GPC5: variants seen among roughly 807,000 people sequenced by gnomAD.
GPC5 encodes the protein glypican-5.
Under a neutral mutation model 53.9 loss-of-function variants are expected in GPC5, and 47 were observed. The ratio of observed to expected loss-of-function variants is 0.87; its 90% CI spans 0.69 to 1.11. GPC5 has a LOEUF of 1.11. Among genes scored for constraint, GPC5 ranks in the 50% most tolerant of loss-of-function variants. The probability of loss-of-function intolerance (pLI) is 0.00; values close to 1 mark genes in which losing one functional copy is unlikely to be tolerated. For missense variants in GPC5, 748 were observed against 713.1 expected (o/e 1.05, Z -0.56); for synonymous variants, 286 against 263.3 (o/e 1.09, Z -0.84).
intron 1 of GPC5, among the ~76,000 whole-genome samples, chr13:91,413,117 C>T (rs1209912496): frequency 6.6e-6 from 1 of 152,032 alleles, no homozygotes; most frequent in South Asian, 2.1e-4. Flanking sequence ...TCCATCTCTA[C>T]AAAAAATTAA....
At chr13:91,904,627 C>A (rs2039534299) in intron 5 of GPC5, among the ~76,000 whole-genome samples, 1 of 151,900 alleles carries the variant, frequency 6.6e-6, no homozygotes, top group South Asian at 2.1e-4. Context: ...AATTATAATA[C>A]AAATATTACA....
chr13:92,127,870 AAC>A (rs1365796090), intron 6 of GPC5, among the ~76,000 whole-genome samples: 1 of 152,230 alleles, frequency 6.6e-6, no homozygotes, highest in African/African-American at 2.4e-5. Flanking sequence ...ACACCCATAG[AAC>A]AGTGTGAAAT....
At chr13:92,106,296 A>G (rs2041509222) in intron 6 of GPC5, among the ~76,000 whole-genome samples, 1 of 152,102 alleles carries the variant, frequency 6.6e-6, no homozygotes, top group Non-Finnish European at 1.5e-5. Context: ...AAGGTAAAGC[A>G]CTTAAACAGG....
intron 7 of GPC5, among the ~76,000 whole-genome samples, chr13:92,609,954 T>C (rs1475013885): frequency 6.8e-6 from 1 of 147,066 alleles, no homozygotes; most frequent in Non-Finnish European, 1.5e-5. Context: ...TAGCTTGAAC[T>C]TGTGAGGTGG....
intron 6 of GPC5, among the ~76,000 whole-genome samples, chr13:92,046,121 G>A (rs76549689): frequency 7.4e-5 from 11 of 147,668 alleles, no homozygotes; most frequent in East Asian, 4.0e-4. Context: ...ATATCAAACA[G>A]AAAAAAAAAA....
At chr13:91,714,827 T>C (rs947400809) in intron 3 of GPC5, among the ~76,000 whole-genome samples, 1 of 152,200 alleles carries the variant, frequency 6.6e-6, no homozygotes, top group Non-Finnish European at 1.5e-5. Flanking sequence ...GTTTCTTGCT[T>C]TGCCCGGGAA....
At chr13:92,759,311 G>A (rs368933418) in intron 7 of GPC5, among the ~76,000 whole-genome samples, 7 of 151,530 alleles carry the variant, frequency 4.6e-5, no homozygotes, top group African/African-American at 1.5e-4. Flanking sequence ...GCATGGCATT[G>A]GATCTATATA....
chr13:92,296,454 T>G (rs2043035171), intron 7 of GPC5, among the ~76,000 whole-genome samples: 1 of 151,792 alleles, frequency 6.6e-6, no homozygotes. Context: ...GGGGGTGAGA[T>G]TCCCAGGTCA....
chr13:92,216,552 T>C (rs1163294959), intron 7 of GPC5, among the ~76,000 whole-genome samples: 1 of 152,184 alleles, frequency 6.6e-6, no homozygotes, highest in Non-Finnish European at 1.5e-5. Context: ...TAGGCCACTT[T>C]CGTAAGGACA....
chr13:92,015,437 T>C (rs924543827), intron 6 of GPC5, among the ~76,000 whole-genome samples: 1 of 152,218 alleles, frequency 6.6e-6, no homozygotes, highest in Non-Finnish European at 1.5e-5. Context: ...TGCTACTGCA[T>C]ATCTTCCACC....
chr13:92,771,587 C>T (rs1401403689), intron 7 of GPC5, among the ~76,000 whole-genome samples: 2 of 152,136 alleles, frequency 1.3e-5, no homozygotes, highest in African/African-American at 4.8e-5. Flanking sequence ...TCGTGATCCA[C>T]CTGCCTCGGC....
At chr13:92,777,038 A>AG (rs1875836015) in intron 7 of GPC5, among the ~76,000 whole-genome samples, 1 of 150,420 alleles carries the variant, frequency 6.6e-6, no homozygotes, top group Non-Finnish European at 1.5e-5. Flanking sequence ...AAAAAAAAAA[A>AG]AAAAAAAAAA....
intron 7 of GPC5, among the ~76,000 whole-genome samples, chr13:92,778,683 T>G (rs1875908750): frequency 6.6e-6 from 1 of 152,188 alleles, no homozygotes; most frequent in African/African-American, 2.4e-5. Flanking sequence ...TTTTACTCTT[T>G]TAGTTCTGCG....
intron 6 of GPC5, among the ~76,000 whole-genome samples, chr13:92,109,219 A>G (rs1044539020): frequency 4.6e-5 from 7 of 151,398 alleles, no homozygotes; most frequent in African/African-American, 1.5e-4. Context: ...GGCACTCACC[A>G]CCACACCCAG....
At chr13:92,142,923 A>T (rs980864708) in intron 6 of GPC5, among the ~76,000 whole-genome samples, 1 of 152,218 alleles carries the variant, frequency 6.6e-6, no homozygotes, top group Admixed American at 6.5e-5. Context: ...TATAAATCAT[A>T]TAATTGCATT....
chr13:91,873,652 T>G (rs2039172548), intron 5 of GPC5, among the ~76,000 whole-genome samples: 1 of 152,166 alleles, frequency 6.6e-6, no homozygotes, highest in Non-Finnish European at 1.5e-5. Flanking sequence ...CCTCTTTTTC[T>G]GTATAAATTA....
intron 5 of GPC5, among the ~76,000 whole-genome samples, chr13:91,824,168 T>C (rs752689789): frequency 9.2e-5 from 14 of 152,086 alleles, no homozygotes; most frequent in Non-Finnish European, 1.9e-4. Flanking sequence ...GTATACTATG[T>C]GGTTATGTGC....
At position 91,650,750 on chromosome 13, in the gene GPC5, G is replaced by GTTTTTGTTTTTTTTT. The variant is rs1491353283; in HGVS notation, c.326-42432_326-42431insGTTTTTTTTTTTTTT. Among the ~76,000 whole-genome samples, 26 of 99,602 alleles carry GTTTTTGTTTTTTTTT rather than the reference G, an allele frequency of 2.6e-4. 1 individual carries two copies. Among genetic ancestry groups the GTTTTTGTTTTTTTTT allele is most frequent in the East Asian group, 9.9e-4 (3 of 3,042 alleles). The allele number at this position is 99,602 out of a possible 152,430, so 65.3% of individuals were successfully genotyped here. ...CATCTGTGAAACAAAATTCCCATAA[G>GTTTTTGTTTTTTTTT]TTTTTTTTTTTTTTTTTTTTTTAGC... On this transcript the variant is annotated intron_variant, in intron 2 of 7. Transcript: ENST00000377067.
chr13:92,614,786 T>C lies in GPC5; in HGVS notation c.1562-251496T>C, dbSNP rs536815610. 2.6e-5 allele frequency among the ~76,000 whole-genome samples: 4 copies of C among 152,256 alleles called. No homozygotes were observed. The South Asian group carries it at 8.3e-4, about 32-fold the overall frequency. ...GGAGGAGAGACACTGAGAATCAAGG[T>C]TATTTCAAATTCTTTTTCAAATTCT... is the stretch of plus-strand genomic sequence containing the variant. On this transcript the variant is annotated intron_variant, in intron 7 of 7. Coordinates refer to ENST00000377067, the MANE Select transcript of GPC5 (RefSeq NM_004466.6).
Sources: allele counts gnomAD v4.1 joint callset (sites outside exome capture counted in the v4.1 genomes callset), GRCh38; gene constraint gnomAD v4.1.1; transcripts MANE v1.5; gene names NCBI Gene and HGNC (gene_info 2026-07-23, HGNC 2026-07-21).